The following SCARF1 variants were observed in gnomAD, a reference collection of about 807,000 sequenced individuals.
The protein encoded by SCARF1 is scavenger receptor class F member 1.
In SCARF1, 49 loss-of-function variants were observed where a neutral mutation model predicts 76.3. The observed-to-expected ratio is 0.64, with a 90% CI of 0.51 to 0.81. SCARF1 has a LOEUF of 0.81. Among genes scored for constraint, SCARF1 ranks in the 40% least tolerant of loss-of-function variants. SCARF1 has a pLI of 0.00. For missense variants in SCARF1, 1,098 were observed against 1,143.9 expected (o/e 0.96, Z 0.58); for synonymous variants, 495 against 474.6 (o/e 1.04, Z -0.56).
In SCARF1 at chr17:1,639,971, C is replaced by T. The variant is rs1361375561; in HGVS notation, c.1080G>A (p.Gln360=). The change falls in exon 6 of 11, where the codon CAG becomes CAA. Residue 360 remains glutamine, a synonymous_variant. Coordinates refer to ENST00000263071, the MANE Select transcript of SCARF1 (RefSeq NM_003693.4). The stretch of plus-strand genomic sequence containing the variant: ...CCCCTGTCACAGTATCACAGGACCC[C>T]TGAACACAGGTGGGGCAGGTAGAGC... ...DCGSTCPTCV[Q]GSCDTVTGDC... 7.4e-6 allele frequency: 12 copies of T among 1,613,958 alleles called. No homozygotes were observed. Among genetic ancestry groups the T allele is most frequent in the South Asian group, 3.3e-5 (3 of 91,092 alleles).
rs1033543253 is a variant in SCARF1 at position 1,643,781 on chromosome 17, T to C, written c.452A>G (p.Glu151Gly). Reference protein sequence around the residue: ...CDPATGVCHCEPGWWSSTCRR... With the variant: ...CDPATGVCHCGPGWWSSTCRR... The stretch of plus-strand genomic sequence containing the variant: ...GCACGTGGACGACCACCAGCCGGGT[T>C]CGCAGTGGCACACGCCGGTCGCGGG... Residue 151 changes from glutamate to glycine, a missense_variant, in exon 4 of 11, where the codon GAA becomes GGA. Transcript: ENST00000263071. 6 of 1,277,432 alleles carry C rather than the reference T, an allele frequency of 4.7e-6. No individual in the cohort carries two copies. In the East Asian group the frequency reaches 1.6e-4, roughly 34 times the overall value. The allele number at this position is 1,277,432 out of a possible 1,614,324, so 79.1% of individuals were successfully genotyped here. A position where few individuals can be genotyped will look rare whatever the true frequency, so the allele number is the denominator to read the frequency against.
rs908777248 is a variant in SCARF1 at position 1,643,851 on chromosome 17, G to T, written c.382C>A (p.Arg128Ser). 59 of 1,273,036 alleles carry T rather than the reference G, an allele frequency of 4.6e-5. No individual in the cohort carries two copies. In the Admixed American group the frequency reaches 1.9e-3, roughly 42 times the overall value. The allele number at this position is 1,273,036 out of a possible 1,614,324, so 78.9% of individuals were successfully genotyped here. A position where few individuals can be genotyped will look rare whatever the true frequency, so the allele number is the denominator to read the frequency against. ...CQCQADRWGA[R>S]CEFPCACGPH... ...CCGCAGGCGCACGGGAACTCGCAGC[G>T]GGCTCCCCAGCGGTCGGCCTGGCAC... Residue 128 changes from arginine (R) to serine (S), a missense_variant, in exon 4 of 11, where the codon CGC (arginine) becomes AGC (serine). By Grantham distance (110) the Arg-to-Ser change is moderately radical (BLOSUM62 -1). Transcript: ENST00000263071.
At position 1,640,069 on chromosome 17, in the gene SCARF1, G is replaced by A; in HGVS notation, c.1011-29C>T. ...GGGTGAGGCAAGACTCGGGGAAGGG[G>A]AGACCAAGGCAGGCCTGGCCCCCAC... On this transcript the variant is annotated intron_variant, in intron 5 of 10. Coordinates refer to ENST00000263071, the MANE Select transcript of SCARF1 (RefSeq NM_003693.4). This position sits in a 1 kb window ranked among gnomAD's most constrained non-coding sequence, Gnocchi z 4.7. The A allele has an allele frequency of 6.2e-7, 1 of 1,610,040 alleles. No homozygotes were observed. Among genetic ancestry groups the A allele is most frequent in the Non-Finnish European group, 8.5e-7 (1 of 1,178,432 alleles).
chr17:1,638,943 C>T lies in SCARF1; in HGVS notation c.1244-17G>A, dbSNP rs770479434. ...TGCCAGAGCCTGGGGGAGCCAGAAA[C>T]GGGGGATATTCAGGCCTTCCTGTCT... On this transcript the variant is annotated splice_polypyrimidine_tract_variant and intron_variant, in intron 7 of 10. Transcript: ENST00000263071. 3.4e-5 allele frequency: 54 copies of T among 1,572,830 alleles called. No homozygotes were observed. The highest frequency in any genetic ancestry group is 3.0e-4 in the Admixed American group (17 of 57,392).
intron 10 of SCARF1, among the ~76,000 whole-genome samples, chr17:1,636,488 C>T (rs1909568764): frequency 6.6e-6 from 1 of 152,172 alleles, no homozygotes; most frequent in African/African-American, 2.4e-5. Flanking sequence ...TGGTGCACGC[C>T]TGTAATCCCA....
intron 4 of SCARF1, among the ~76,000 whole-genome samples, chr17:1,642,922 G>C (rs1041059116): frequency 1.3e-5 from 2 of 152,076 alleles, no homozygotes; most frequent in African/African-American, 4.8e-5. Context: ...GGATGGTCTC[G>C]AACTCCTGAC....
At position 1,637,004 on chromosome 17, in the gene SCARF1, TC is replaced by T; in HGVS notation, c.1422del (p.Thr475ProfsTer20). ...SRMKLQVWGT[L>X]TSLGSTLPCR... ...CAGGGCAGCGTGGAGCCCAAGCTGGTCAGTGTCCCCCAGACCTGCAGCTTCA... is the reference window on the plus strand; with the variant it reads ...CAGGGCAGCGTGGAGCCCAAGCTGGTAGTGTCCCCCAGACCTGCAGCTTCA... On this transcript the variant is annotated frameshift_variant, in exon 9 of 11. Transcript: ENST00000263071. LOFTEE classifies it high-confidence loss of function. The T allele has an allele frequency of 6.2e-7, 1 of 1,613,952 alleles. No homozygotes were observed. Among genetic ancestry groups the T allele is most frequent in the Non-Finnish European group, 8.5e-7 (1 of 1,179,990 alleles).
chr17:1,644,178 C>G lies in SCARF1; in HGVS notation c.266-211G>C, dbSNP rs140999019. On this transcript the variant is annotated intron_variant, in intron 3 of 10. Transcript: ENST00000263071. This position sits in a 1 kb window ranked among gnomAD's most constrained non-coding sequence, Gnocchi z 4.8. ...AACCCTTAGCCATTAGTGGGAGGCT[C>G]AGCCTGCCACTTCACATTCCAGAAC... is the stretch of plus-strand genomic sequence containing the variant. 2 of 401,808 alleles carry G rather than the reference C, an allele frequency of 5.0e-6. No homozygotes were observed. The highest frequency in any genetic ancestry group is 8.7e-6 in the Non-Finnish European group (2 of 229,986). 24.9% of individuals were successfully genotyped at this position (401,808 alleles called of 1,614,324 possible).
At position 1,640,147 on chromosome 17, in the gene SCARF1, C is replaced by T. The variant is rs775680092; in HGVS notation, c.1011-107G>A. The T allele has an allele frequency of 1.0e-5, 14 of 1,353,794 alleles. No individual in the cohort carries two copies. The highest frequency in any genetic ancestry group is 1.4e-5 in the Non-Finnish European group (14 of 990,222). The allele number at this position is 1,353,794 out of a possible 1,614,324, so 83.9% of individuals were successfully genotyped here. On this transcript the variant is annotated intron_variant, in intron 5 of 10. Coordinates refer to ENST00000263071, the MANE Select transcript of SCARF1 (RefSeq NM_003693.4). This position sits in a 1 kb window ranked among gnomAD's most constrained non-coding sequence, Gnocchi z 4.7. ...CTCCTGGACTCAAGGACCCAACTGG[C>T]CACTCCTCAGCAGTGAAGCTCAGGT...
At chr17:1,642,601 C>T (rs1910144243) in intron 4 of SCARF1, among the ~76,000 whole-genome samples, 3 of 152,168 alleles carry the variant, frequency 2.0e-5, no homozygotes, top group Non-Finnish European at 4.4e-5. Flanking sequence ...ACTCGATCCA[C>T]TTATTACCTA....
Position 1,636,706 on chromosome 17 carries a change from T to A in SCARF1, c.1633+3A>T. ...GGGGCTATGTGGGCTGTTGGGGGGC[T>A]ACCTTCTTGGGGTGGCACACAGTAG... On this transcript the variant is annotated splice_donor_region_variant and intron_variant, in intron 10 of 10. Coordinates refer to ENST00000263071, the MANE Select transcript of SCARF1 (RefSeq NM_003693.4). 1 of 1,613,724 alleles carries A rather than the reference T, an allele frequency of 6.2e-7. No individual in the cohort carries two copies. The highest frequency in any genetic ancestry group is 8.5e-7 in the Non-Finnish European group (1 of 1,179,756).
Position 1,636,833 on chromosome 17 carries a change from G to A in SCARF1, c.1509C>T (p.Val503=), listed in dbSNP as rs1302024958. The change falls in exon 10 of 11, where the codon GTC becomes GTT. Residue 503 remains valine (V), a synonymous_variant. Coordinates refer to ENST00000263071, the MANE Select transcript of SCARF1 (RefSeq NM_003693.4). ...WVTVSHHDPE[V]PFNHSFIEPP... ...GCTCGATGAAGCTGTGGTTGAAGGG[G>A]ACCTCCGGGTCGTGATGTGAGACTG... 1.2e-6 allele frequency: 2 copies of A among 1,614,056 alleles called. No individual in the cohort carries two copies. The highest frequency in any genetic ancestry group is 1.7e-6 in the Non-Finnish European group (2 of 1,180,002).
chr17:1,637,770 C>T (rs1909706465), intron 8 of SCARF1, among the ~76,000 whole-genome samples: 1 of 152,148 alleles, frequency 6.6e-6, no homozygotes, highest in South Asian at 2.1e-4. Flanking sequence ...CTGCGCCCGG[C>T]GCACCTGTCT....
chr17:1,644,856 G>A lies in SCARF1; in HGVS notation c.243C>T (p.Phe81=), dbSNP rs879926648. The change falls in exon 3 of 11, where the codon TTC becomes TTT. Residue 81 remains phenylalanine (F), a synonymous_variant. Coordinates refer to ENST00000263071, the MANE Select transcript of SCARF1 (RefSeq NM_003693.4). This position sits in a 1 kb window ranked among gnomAD's most constrained non-coding sequence, Gnocchi z 4.8. ...KPGLCRCKPG[F]FGAHCSSRCP... The stretch of plus-strand genomic sequence containing the variant: ...CACGGGAGCTGCAGTGGGCCCCAAA[G>A]AATCCAGGCTTGCATCGACAGAGGC... 6.2e-7 allele frequency: 1 copy of A among 1,613,310 alleles called. No individual in the cohort carries two copies. Among genetic ancestry groups the A allele is most frequent in the African/African-American group, 1.3e-5 (1 of 75,050 alleles).
At chr17:1,637,136 A>G in intron 8 of SCARF1, 74 bp from the exon 9 acceptor site, 1 of 1,534,558 alleles carries the variant, frequency 6.5e-7, no homozygotes, top group East Asian at 2.3e-5. Context: ...GCAGGGTGTG[A>G]CAGGGTGACT....
At position 1,645,281 on chromosome 17, in the gene SCARF1, C is replaced by A. The variant is rs1290558915; in HGVS notation, c.102-42G>T. On this transcript the variant is annotated intron_variant, in intron 1 of 10. Transcript: ENST00000263071. This position sits in a 1 kb window ranked among gnomAD's most constrained non-coding sequence, Gnocchi z 6.3. ...GGTCAGCCGGACATGGTGGGGGGTG[C>A]AGCCTGGCCCTGAGGAAGGTGGATC... is the stretch of plus-strand genomic sequence containing the variant. 1 of 1,605,656 alleles carries A rather than the reference C, an allele frequency of 6.2e-7. No individual in the cohort carries two copies. The highest frequency in any genetic ancestry group is 2.0e-4 in the Middle Eastern group (1 of 5,022).
At position 1,634,908 on chromosome 17, in the gene SCARF1, C is replaced by T; in HGVS notation, c.2343G>A (p.Gly781=). 6.2e-7 allele frequency: 1 copy of T among 1,613,630 alleles called. No individual in the cohort carries two copies. Residue 781 remains glycine, a synonymous_variant, in exon 11 of 11, where the codon GGG becomes GGA. Coordinates refer to ENST00000263071, the MANE Select transcript of SCARF1 (RefSeq NM_003693.4). ...VRPEEAVRGL[G]AGTESSRRAQ... The stretch of plus-strand genomic sequence containing the variant: ...CTCTCCTTGAACTCTCGGTGCCAGC[C>T]CCCAGCCCCCGGACCGCTTCCTCTG...
intron 4 of SCARF1, among the ~76,000 whole-genome samples, chr17:1,642,582 C>G (rs1005119022): frequency 5.3e-5 from 8 of 152,102 alleles, no homozygotes; most frequent in Admixed American, 1.3e-4. Flanking sequence ...CCCAGTCTAT[C>G]ATTGTTGGAC....
At chr17:1,639,613 C>A (rs757213726) in intron 7 of SCARF1, 26 bp downstream of exon 7, 2 of 1,519,604 alleles carry the variant, frequency 1.3e-6, no homozygotes, top group South Asian at 2.4e-5. Context: ...CTGGCTACTG[C>A]ACCCCGCAGC....
Sources: allele counts gnomAD v4.1 joint callset (sites outside exome capture counted in the v4.1 genomes callset), GRCh38; gene constraint gnomAD v4.1.1; non-coding constraint Gnocchi (gnomAD v3.1); transcripts MANE v1.5; gene names NCBI Gene and HGNC (gene_info 2026-07-23, HGNC 2026-07-21).